Variants in DMD observed in about 807,000 individuals in gnomAD.
DMD encodes the protein dystrophin.
DMD carries 63 observed loss-of-function variants against 330.1 expected under a neutral mutation model. The observed-to-expected ratio is 0.19, with a 90% CI of 0.16 to 0.24. The LOEUF (loss-of-function observed/expected upper bound fraction) is 0.24. DMD is among the 10% of genes least tolerant of loss of function. DMD has a pLI of 1.00. For missense variants in DMD, 3,344 were observed against 2,684.1 expected (o/e 1.25, Z -5.43); for synonymous variants, 1,223 against 959.8 (o/e 1.27, Z -5.07).
intron 1 of DMD, among the ~76,000 whole-genome samples, chrX:33,029,617 C>T (rs1255895138): frequency 8.9e-6 from 1 of 112,299 alleles, no homozygotes; most frequent in African/African-American, 3.2e-5. Context: ...AGAATTTATG[C>T]TCCATTAGCA....
At position 32,925,264 on chromosome X, in the gene DMD, A is replaced by T. The variant is rs765766206; in HGVS notation, c.94-75444T>A. On this transcript the variant is annotated intron_variant, in intron 2 of 78. Coordinates refer to ENST00000357033, the MANE Select transcript of DMD (RefSeq NM_004006.3). ...TCTCAGTATGTGACCTGCTGGAATG[A>T]GTGTGACCACCTCAGTAGATACTAA... Among the ~76,000 whole-genome samples the T allele has an allele frequency of 2.9e-5, 3 of 103,505 alleles. No homozygotes were observed. In the Admixed American group the frequency reaches 3.3e-4, roughly 11 times the overall value. The allele number at this position is 103,505 out of a possible 115,157, so 89.9% of individuals were successfully genotyped here. A position where few individuals can be genotyped will look rare whatever the true frequency, so the allele number is the denominator to read the frequency against.
chrX:32,313,496 C>T lies in DMD; in HGVS notation c.5923-3220G>A, dbSNP rs2097571935. ...ATTCCCTTTGAAAACTGGCACAAGA[C>T]AAGGATGCCCTCTCTCACCACTCCT... On this transcript the variant is annotated intron_variant, in intron 41 of 78. Transcript: ENST00000357033. 2.7e-5 allele frequency among the ~76,000 whole-genome samples: 3 copies of T among 111,489 alleles called. No individual in the cohort carries two copies. In the South Asian group the frequency reaches 1.1e-3, roughly 42 times the overall value.
intron 73 of DMD, among the ~76,000 whole-genome samples, chrX:31,169,854 A>C (rs1179929395): frequency 8.9e-6 from 1 of 111,998 alleles, no homozygotes; most frequent in Non-Finnish European, 1.9e-5. Context: ...GGATAAATGA[A>C]AGGCAGAATT....
chrX:32,703,121 G>A (rs1345461153), intron 7 of DMD, among the ~76,000 whole-genome samples: 1 of 111,200 alleles, frequency 9.0e-6, no homozygotes, highest in Non-Finnish European at 1.9e-5. Context: ...AATTAACAAT[G>A]GTCTCACCTG....
At chrX:31,621,862 G>A (rs2078548221) in intron 55 of DMD, among the ~76,000 whole-genome samples, 1 of 111,812 alleles carries the variant, frequency 8.9e-6, no homozygotes, top group Non-Finnish European at 1.9e-5. Flanking sequence ...CTTTGGATAT[G>A]GTGTTTCCTC....
chrX:31,352,141 T>C (rs567031216), intron 60 of DMD, among the ~76,000 whole-genome samples: 3 of 111,602 alleles, frequency 2.7e-5, no homozygotes, highest in African/African-American at 9.7e-5. Context: ...TGCATATCGA[T>C]GAAACTGCAG....
chrX:31,912,770 C>T (rs867188853), intron 47 of DMD, among the ~76,000 whole-genome samples: 9 of 111,497 alleles, frequency 8.1e-5, no homozygotes, highest in Admixed American at 2.8e-4. Flanking sequence ...TTGTGGAAGG[C>T]GATTATTTGG....
chrX:31,891,757 A>G (rs147547550), intron 47 of DMD, among the ~76,000 whole-genome samples: 1,942 of 111,404 alleles, frequency 0.017, 11 homozygotes, highest in Non-Finnish European at 0.025. Context: ...GGACCGTTAT[A>G]GAAAGTTTGC....
At chrX:32,683,463 A>G (rs1332424498) in intron 9 of DMD, among the ~76,000 whole-genome samples, 1 of 109,485 alleles carries the variant, frequency 9.1e-6, no homozygotes, top group African/African-American at 3.4e-5. Flanking sequence ...CTATGCAGCC[A>G]TAAAAAAGGA....
chrX:32,936,268 C>T (rs971137796), intron 2 of DMD, among the ~76,000 whole-genome samples: 5 of 110,315 alleles, frequency 4.5e-5, no homozygotes, highest in Admixed American at 2.9e-4. Flanking sequence ...TGCACCACCA[C>T]GCCTGGCTAA....
intron 2 of DMD, among the ~76,000 whole-genome samples, chrX:32,886,598 G>C (rs2084604145): frequency 9.1e-6 from 1 of 110,317 alleles, no homozygotes; most frequent in Non-Finnish European, 1.9e-5. Context: ...CAGGAGAATG[G>C]CGTGAACCCA....
chrX:32,289,359 A>T (rs920892716), intron 42 of DMD, among the ~76,000 whole-genome samples: 5 of 110,494 alleles, frequency 4.5e-5, no homozygotes, highest in Non-Finnish European at 7.6e-5. Context: ...CTTAATCCTA[A>T]GGGTAACTCT....
intron 1 of DMD, among the ~76,000 whole-genome samples, chrX:33,050,641 T>G (rs73452023): frequency 0.028 from 3,070 of 110,988 alleles, 87 homozygotes; most frequent in African/African-American, 0.096. Flanking sequence ...AGGGCACAGA[T>G]TACAGGGACT....
At chrX:32,779,550 C>T (rs1194094997) in intron 7 of DMD, among the ~76,000 whole-genome samples, 5 of 108,883 alleles carry the variant, frequency 4.6e-5, no homozygotes, top group Non-Finnish European at 7.6e-5. Context: ...TCCATGTGTT[C>T]TCATTGTTCA....
intron 7 of DMD, among the ~76,000 whole-genome samples, chrX:32,732,750 C>A (rs2067877880): frequency 9.1e-6 from 1 of 110,452 alleles, no homozygotes; most frequent in Non-Finnish European, 1.9e-5. Context: ...CCTAAAAGAG[C>A]TCCTGAAGGA....
At chrX:31,852,349 T>C (rs1406266972) in intron 48 of DMD, among the ~76,000 whole-genome samples, 1 of 111,962 alleles carries the variant, frequency 8.9e-6, no homozygotes, top group Non-Finnish European at 1.9e-5. Context: ...GAAAACTTTA[T>C]ACATACAGTT....
chrX:31,323,414 CA>C (rs2056562251), intron 62 of DMD, among the ~76,000 whole-genome samples, 183 bp downstream of exon 62: 1 of 112,065 alleles, frequency 8.9e-6, no homozygotes, highest in Non-Finnish European at 1.9e-5. Flanking sequence ...AGTCGTTCCC[CA>C]TTGCATCAGC....
chrX:32,769,042 T>C (rs2073311331), intron 7 of DMD, among the ~76,000 whole-genome samples: 1 of 111,465 alleles, frequency 9.0e-6, no homozygotes, highest in African/African-American at 3.3e-5. Flanking sequence ...CTTCAATGGC[T>C]ATATGAAAAA....
intron 7 of DMD, among the ~76,000 whole-genome samples, chrX:32,729,454 T>C (rs181772635): frequency 4.5e-5 from 5 of 112,061 alleles, no homozygotes; most frequent in South Asian, 3.7e-4. Flanking sequence ...CTGATTTTTC[T>C]ATGTATGTAT....
Sources: allele counts gnomAD v4.1 joint callset (sites outside exome capture counted in the v4.1 genomes callset), GRCh38; gene constraint gnomAD v4.1.1; transcripts MANE v1.5; gene names NCBI Gene and HGNC (gene_info 2026-07-23, HGNC 2026-07-21).